The following ZNF25 variants were observed in gnomAD, a reference collection of about 807,000 sequenced individuals.
ZNF25 encodes the protein zinc finger protein 25.
A neutral mutation model predicts 30.9 loss-of-function variants in ZNF25; 21 were observed. The observed-to-expected ratio is 0.68, with a 90% confidence interval of 0.48 to 0.98. ZNF25 has a LOEUF of 0.98. Ranked by LOEUF, ZNF25 falls within the 50% of genes least tolerant of loss-of-function variation. The pLI is 0.00. For synonymous variants in ZNF25, 169 were observed against 181.3 expected (o/e 0.93, Z 0.55); for missense variants, 501 against 529.9 (o/e 0.95, Z 0.54).
intron 2 of ZNF25, among the ~76,000 whole-genome samples, chr10:37,963,215 C>T (rs541744269): frequency 2.6e-5 from 4 of 152,092 alleles, no homozygotes; most frequent in South Asian, 4.2e-4. Context: ...CTCTGCCTCC[C>T]GGGTTCAAGC....
At chr10:37,966,432 A>C in intron 2 of ZNF25, among the ~76,000 whole-genome samples, 1 of 151,200 alleles carries the variant, frequency 6.6e-6, no homozygotes, top group East Asian at 1.9e-4. Context: ...AAAAAAAAAA[A>C]CTACCTGAGA....
At chr10:37,953,810 G>T in intron 4 of ZNF25, 52 bp from the exon 5 acceptor site, 2 of 1,476,660 alleles carry the variant, frequency 1.4e-6, no homozygotes, top group Non-Finnish European at 1.9e-6. Flanking sequence ...CATTAATATT[G>T]TCATAGCATT....
intron 2 of ZNF25, among the ~76,000 whole-genome samples, chr10:37,962,430 T>A (rs1350047353): frequency 6.6e-6 from 1 of 152,194 alleles, no homozygotes; most frequent in East Asian, 1.9e-4. Flanking sequence ...CATCTTTTCA[T>A]CAAATATTCA....
At chr10:37,960,317 A>G (rs2062782831) in intron 2 of ZNF25, among the ~76,000 whole-genome samples, 1 of 152,026 alleles carries the variant, frequency 6.6e-6, no homozygotes, top group Non-Finnish European at 1.5e-5. Context: ...GAAGAGCCCA[A>G]AAAGGAAGCT....
intron 3 of ZNF25, 41 bp downstream of exon 3, chr10:37,957,379 T>A: frequency 6.3e-7 from 1 of 1,593,992 alleles, no homozygotes; most frequent in Non-Finnish European, 8.6e-7. Context: ...AGAAGATAGA[T>A]GCAAACTACT....
chr10:37,975,464 T>G (rs750723747), intron 1 of ZNF25, among the ~76,000 whole-genome samples: 2 of 151,960 alleles, frequency 1.3e-5, no homozygotes, highest in Non-Finnish European at 2.9e-5. Context: ...AGCTCAGTTA[T>G]CAGCCAATGA....
chr10:37,965,615 C>T (rs886646754), intron 2 of ZNF25, among the ~76,000 whole-genome samples: 3 of 152,104 alleles, frequency 2.0e-5, no homozygotes, highest in Non-Finnish European at 2.9e-5. Flanking sequence ...TCTAGTAGAC[C>T]TGCCTTATAA....
intron 3 of ZNF25, 21 bp from the exon 4 acceptor site, chr10:37,957,136 G>A: frequency 6.2e-7 from 1 of 1,600,910 alleles, no homozygotes; most frequent in Non-Finnish European, 8.6e-7. Context: ...AAAATATCAA[G>A]GAAATGATAC....
chr10:37,958,703 T>G (rs2062676644), intron 2 of ZNF25, among the ~76,000 whole-genome samples: 2 of 151,926 alleles, frequency 1.3e-5, no homozygotes, highest in South Asian at 4.1e-4. Context: ...GAGAATCGCA[T>G]GAACCTGGGA....
At chr10:37,958,397 A>G (rs2062658586) in intron 2 of ZNF25, among the ~76,000 whole-genome samples, 1 of 152,328 alleles carries the variant, frequency 6.6e-6, no homozygotes, top group South Asian at 2.1e-4. Context: ...TATGATACCT[A>G]TTGTGGGTAC....
chr10:37,952,943 G>A lies in ZNF25; in HGVS notation c.555C>T (p.His185=). The A allele has an allele frequency of 6.2e-7, 1 of 1,614,132 alleles. No homozygotes were observed. Among genetic ancestry groups the A allele is most frequent in the Non-Finnish European group, 8.5e-7 (1 of 1,180,010 alleles). Residue 185 remains histidine, a synonymous_variant, in exon 6 of 6, where the codon CAC becomes CAT. Coordinates refer to ENST00000302609, the MANE Select transcript of ZNF25 (RefSeq NM_145011.4). ...TCAGATGTCTACTGAGAGATGATAG[G>A]TGGTAAAATATTTTCTTACATTCTT... is the stretch of plus-strand genomic sequence containing the variant. ...ECKECKKIFY[H]LSSLSRHLRT... is the part of the protein sequence containing the mutation.
At chr10:37,973,563 G>A (rs1380564717) in intron 1 of ZNF25, among the ~76,000 whole-genome samples, 1 of 144,518 alleles carries the variant, frequency 6.9e-6, no homozygotes, top group Non-Finnish European at 1.5e-5. Context: ...AGGTTGCAGT[G>A]AGCCAAGATT....
At chr10:37,971,588 T>A in intron 2 of ZNF25, 120 bp downstream of exon 2, 1 of 1,506,230 alleles carries the variant, frequency 6.6e-7, no homozygotes, top group Non-Finnish European at 9.0e-7. Flanking sequence ...TATTTCTACG[T>A]TTCTAATTTA....
Position 37,975,633 on chromosome 10 carries a change from A to G in ZNF25, c.-86+873T>C, listed in dbSNP as rs185855349. ...TGTAAAATGCAAAATTGAGGGCTCA[A>G]ATTGTGGTTTCAATTTACACGTTTC... On this transcript the variant is annotated intron_variant, in intron 1 of 5. Transcript: ENST00000302609. 1.7e-3 allele frequency among the ~76,000 whole-genome samples: 259 copies of G among 152,308 alleles called. 1 individual carries two copies. In the Middle Eastern group the frequency reaches 0.017, roughly 10 times the overall value.
At chr10:37,973,470 T>A (rs2063611041) in intron 1 of ZNF25, among the ~76,000 whole-genome samples, 1 of 150,966 alleles carries the variant, frequency 6.6e-6, no homozygotes, top group Non-Finnish European at 1.5e-5. Flanking sequence ...ACAAAAAAAA[T>A]TACACAGGTA....
chr10:37,952,498 G>C lies in ZNF25; in HGVS notation c.1000C>G (p.Arg334Gly), dbSNP rs371345621. ...AAGGGTTTCTCCCCTGTGTGAGTTC[G>C]CTGATGTACTGTGAGGGCTGACTTC... ...YQKSALTVHQRTHTGEKPFEC... is the reference protein window; with the variant it reads ...YQKSALTVHQGTHTGEKPFEC... The change falls in exon 6 of 6, where the codon CGA becomes GGA. Residue 334 changes from arginine to glycine, a missense_variant. Arg to Gly is a moderately radical substitution (Grantham distance 125). Coordinates refer to ENST00000302609, the MANE Select transcript of ZNF25 (RefSeq NM_145011.4). 1.9e-6 allele frequency: 3 copies of C among 1,569,696 alleles called. No homozygotes were observed. The highest frequency in any genetic ancestry group is 1.7e-6 in the Non-Finnish European group (2 of 1,159,326).
chr10:37,967,988 T>C (rs2063280538), intron 2 of ZNF25: 1 of 152,228 alleles, frequency 6.6e-6, no homozygotes, highest in African/African-American at 2.4e-5. Context: ...TTTTACTTCA[T>C]CATAATTTGA....
intron 3 of ZNF25, 121 bp downstream of exon 3, chr10:37,957,299 C>T: frequency 1.4e-6 from 2 of 1,388,538 alleles, no homozygotes; most frequent in Non-Finnish European, 2.0e-6. Flanking sequence ...GATTTATTAA[C>T]TTCGACCTCT....
At chr10:37,966,059 C>T (rs2063161590) in intron 2 of ZNF25, among the ~76,000 whole-genome samples, 1 of 151,866 alleles carries the variant, frequency 6.6e-6, no homozygotes, top group African/African-American at 2.4e-5. Context: ...CAAAATGGTA[C>T]ATTAGAAAAA....
Sources: gnomAD v4.1 joint callset for allele counts (sites outside exome capture counted in the v4.1 genomes callset) on GRCh38, gnomAD v4.1.1 for gene constraint, MANE v1.5 for transcripts, NCBI Gene and HGNC (gene_info 2026-07-23, HGNC 2026-07-21) for gene names.